ADAMTS18: variants seen among roughly 807,000 people sequenced by gnomAD.
ADAMTS18 encodes the protein A disintegrin and metalloproteinase with thrombospondin motifs 18.
ADAMTS18 carries 157 observed loss-of-function variants against 165.9 expected under a neutral mutation model. The ratio of observed to expected loss-of-function variants is 0.95; its 90% CI spans 0.83 to 1.08. The LOEUF (loss-of-function observed/expected upper bound fraction) is 1.08, where lower values mean the gene tolerates loss of function less well. Among genes scored for constraint, ADAMTS18 ranks in the 50% least tolerant of loss-of-function variants. The pLI, the probability that ADAMTS18 is intolerant of heterozygous loss-of-function variation, is 0.00. For missense variants in ADAMTS18, 2,040 were observed against 1,534.0 expected, an observed-to-expected ratio of 1.33 and a Z score of -5.51; for synonymous variants, 782 against 578.2, an observed-to-expected ratio of 1.35 and a Z score of -5.06.
rs781391093 is a variant in ADAMTS18 at position 77,367,546 on chromosome 16, G to A, written c.673C>T (p.Pro225Ser). The A allele has an allele frequency of 6.2e-7, 1 of 1,614,252 alleles. No individual in the cohort carries two copies. The highest frequency in any genetic ancestry group is 8.5e-7 in the Non-Finnish European group (1 of 1,180,046). The change falls in exon 4 of 23, where the codon CCT becomes TCT. Residue 225 changes from proline to serine, a missense_variant. Physicochemically the swap from Pro to Ser is moderately conservative, Grantham distance 74 (BLOSUM62 -1). Coordinates refer to ENST00000282849, the MANE Select transcript of ADAMTS18 (RefSeq NM_199355.4). ...GGAATGTGACTTGGGGAGTAACCAGGATAATTCCGGCCAGAGCCGGGGTAG... is the reference window on the plus strand; with the variant it reads ...GGAATGTGACTTGGGGAGTAACCAGAATAATTCCGGCCAGAGCCGGGGTAG... Reference protein sequence around the residue: ...RGYPGSGRNYPGYSPSHIPHA... With the variant: ...RGYPGSGRNYSGYSPSHIPHA...
At chr16:77,414,563 G>C (rs180883405) in intron 3 of ADAMTS18, among the ~76,000 whole-genome samples, 1 of 151,526 alleles carries the variant, frequency 6.6e-6, no homozygotes, top group South Asian at 2.1e-4. Context: ...AAATTATATC[G>C]GTTGACTTGC....
At chr16:77,302,482 G>A (rs910522225) in intron 16 of ADAMTS18, among the ~76,000 whole-genome samples, 6 of 152,284 alleles carry the variant, frequency 3.9e-5, no homozygotes, top group African/African-American at 1.2e-4. Context: ...GAATGGTATT[G>A]CAGTACAAAG....
chr16:77,431,217 T>C (rs1380645206), intron 3 of ADAMTS18, 78 bp downstream of exon 3: 3 of 1,507,516 alleles, frequency 2.0e-6, no homozygotes, highest in South Asian at 1.1e-5. Flanking sequence ...GGAAGAGCAT[T>C]TATATTGCAG....
chr16:77,368,681 G>C (rs923750071), intron 3 of ADAMTS18, among the ~76,000 whole-genome samples: 2 of 152,018 alleles, frequency 1.3e-5, no homozygotes, highest in African/African-American at 2.4e-5. Flanking sequence ...AAAGTGCTCA[G>C]ATTACAGGTG....
intron 10 of ADAMTS18, among the ~76,000 whole-genome samples, chr16:77,345,174 T>C (rs1459126378): frequency 2.0e-5 from 3 of 152,186 alleles, no homozygotes; most frequent in African/African-American, 7.2e-5. Flanking sequence ...TGGATACCCC[T>C]TCAAGTAAAA....
In ADAMTS18 at chr16:77,319,876, C is replaced by T. The variant is rs1432338397; in HGVS notation, c.2505G>A (p.Gly835=). The change falls in exon 16 of 23, where the codon GGG becomes GGA. Residue 835 remains glycine (G), a synonymous_variant. Transcript: ENST00000282849. ...CAAAGACCAGCGTCTCATTTGTGGG[C>T]CCTGGCGCGTACAGACGTTCCGGGC... ...FNRPERLYAP[G]PTNETLVFEI... 6 of 1,614,034 alleles carry T rather than the reference C, an allele frequency of 3.7e-6. No homozygotes were observed. Among genetic ancestry groups the T allele is most frequent in the South Asian group, 3.3e-5 (3 of 91,080 alleles).
chr16:77,367,525 T>A lies in ADAMTS18; in HGVS notation c.694A>T (p.Ile232Phe), dbSNP rs773928760. 6.2e-7 allele frequency: 1 copy of A among 1,614,246 alleles called. No homozygotes were observed. The highest frequency in any genetic ancestry group is 1.1e-5 in the South Asian group (1 of 91,090). ...TCTCGACTCTGAGATGCATGGGGAA[T>A]GTGACTTGGGGAGTAACCAGGATAA... ...RNYPGYSPSH[I>F]PHASQSRETE... is the part of the protein sequence containing the mutation. The change falls in exon 4 of 23, where the codon ATT becomes TTT. Residue 232 changes from isoleucine to phenylalanine, a missense_variant. Coordinates refer to ENST00000282849, the MANE Select transcript of ADAMTS18 (RefSeq NM_199355.4).
intron 3 of ADAMTS18, among the ~76,000 whole-genome samples, chr16:77,408,245 A>G (rs1414388999): frequency 6.6e-6 from 1 of 152,164 alleles, no homozygotes; most frequent in African/African-American, 2.4e-5. Context: ...ACTTGTGTGG[A>G]GAGTTTGTGG....
At chr16:77,303,420 A>C (rs1390565482) in intron 16 of ADAMTS18, among the ~76,000 whole-genome samples, 1 of 152,224 alleles carries the variant, frequency 6.6e-6, no homozygotes, top group South Asian at 2.1e-4. Flanking sequence ...AAGGCTGCTC[A>C]TAGGGAATAC....
intron 21 of ADAMTS18, 49 bp downstream of exon 21, chr16:77,291,217 T>TTTCGACATCTCACTTGAATA: frequency 6.2e-7 from 1 of 1,602,992 alleles, no homozygotes; most frequent in Non-Finnish European, 8.5e-7. Flanking sequence ...ACGCCTCATT[T>TTTCGACATCTCACTTGAATA]TTCGACATCT....
At position 77,310,718 on chromosome 16, in the gene ADAMTS18, C is replaced by T. The variant is rs149681674; in HGVS notation, c.2532+9131G>A. On this transcript the variant is annotated intron_variant, in intron 16 of 22. Transcript: ENST00000282849. Reference sequence around the variant, plus strand: ...TCACAGCTTACTGCAGTCTCAGCCTCCTGGGTTCAAGGGATCCTCCCTCCT... The same window carrying T: ...TCACAGCTTACTGCAGTCTCAGCCTTCTGGGTTCAAGGGATCCTCCCTCCT... 4.2e-3 allele frequency among the ~76,000 whole-genome samples: 634 copies of T among 152,138 alleles called. 3 individuals carry two copies. Among genetic ancestry groups the T allele is most frequent in the Middle Eastern group, 0.017 (5 of 294 alleles).
intron 8 of ADAMTS18, 137 bp downstream of exon 8, chr16:77,359,181 A>G: frequency 2.5e-6 from 2 of 801,226 alleles, no homozygotes; most frequent in Non-Finnish European, 4.2e-6. Flanking sequence ...AGCCCTTTGT[A>G]TAGTCAGAAA....
rs2055487719 is a variant in ADAMTS18 at position 77,297,080 on chromosome 16, G to T, written c.2801+209C>A. On this transcript the variant is annotated intron_variant, in intron 18 of 22. Coordinates refer to ENST00000282849, the MANE Select transcript of ADAMTS18 (RefSeq NM_199355.4). The stretch of plus-strand genomic sequence containing the variant: ...GAGCCTGGAACTCCTGGGTTCTACT[G>T]ATCTTCCCTCTTCAGCCTCCCAAGT... Among the ~76,000 whole-genome samples, 3 of 152,172 alleles carry T rather than the reference G, an allele frequency of 2.0e-5. No homozygotes were observed. The South Asian group carries it at 6.2e-4, about 32-fold the overall frequency.
At chr16:77,355,608 G>C (rs1174745838) in intron 9 of ADAMTS18, among the ~76,000 whole-genome samples, 1 of 152,158 alleles carries the variant, frequency 6.6e-6, no homozygotes, top group Non-Finnish European at 1.5e-5. Flanking sequence ...ACAGATCTAA[G>C]TGTGAGTCTT....
intron 3 of ADAMTS18, among the ~76,000 whole-genome samples, chr16:77,389,896 C>T (rs914045607): frequency 3.3e-5 from 5 of 151,952 alleles, no homozygotes; most frequent in Admixed American, 6.6e-5. Context: ...TTTTAGAAGC[C>T]CTAAATATTA....
chr16:77,329,803 C>G (rs1478116191), intron 12 of ADAMTS18, among the ~76,000 whole-genome samples: 2 of 151,894 alleles, frequency 1.3e-5, no homozygotes, highest in African/African-American at 4.8e-5. Context: ...CATGATATGT[C>G]TTGGTGTAAG....
chr16:77,339,592 T>C (rs985886002), intron 11 of ADAMTS18, among the ~76,000 whole-genome samples: 10 of 128,510 alleles, frequency 7.8e-5, no homozygotes, highest in African/African-American at 2.1e-4. Context: ...ATGTTGCTTT[T>C]TCAATTAAAA....
At position 77,306,682 on chromosome 16, in the gene ADAMTS18, G is replaced by A. The variant is rs1234138969; in HGVS notation, c.2533-6278C>T. ...AATTCCTGTCCTCAATAATGTATTC[G>A]ATTGCTTTAAAATTAACAATGCCTA... On this transcript the variant is annotated intron_variant, in intron 16 of 22. Coordinates refer to ENST00000282849, the MANE Select transcript of ADAMTS18 (RefSeq NM_199355.4). 3.3e-5 allele frequency among the ~76,000 whole-genome samples: 5 copies of A among 152,118 alleles called. No homozygotes were observed. In the South Asian group the frequency reaches 6.2e-4, roughly 19 times the overall value.
intron 3 of ADAMTS18, among the ~76,000 whole-genome samples, chr16:77,378,728 TAAAAA>T (rs1479661626): frequency 6.6e-6 from 1 of 151,728 alleles, no homozygotes; most frequent in East Asian, 1.9e-4. Flanking sequence ...AAAATAAAAA[TAAAAA>T]AAGAAATAAA....
Sources: allele counts gnomAD v4.1 joint callset (sites outside exome capture counted in the v4.1 genomes callset), GRCh38; gene constraint gnomAD v4.1.1; transcripts MANE v1.5; gene names NCBI Gene and HGNC (gene_info 2026-07-23, HGNC 2026-07-21).